WDR89: variants seen among roughly 807,000 people sequenced by gnomAD.
The protein encoded by WDR89 is WD repeat-containing protein 89.
WDR89 carries 17 observed loss-of-function variants against 29.1 expected under a neutral mutation model. The ratio of observed to expected loss-of-function variants is 0.58; its 90% CI spans 0.40 to 0.88. The LOEUF (loss-of-function observed/expected upper bound fraction) is 0.88. Among genes scored for constraint, WDR89 ranks in the 40% least tolerant of loss-of-function variants. The probability of loss-of-function intolerance (pLI) is 0.00; values close to 1 mark genes in which losing one functional copy is unlikely to be tolerated. For missense variants in WDR89, 396 were observed against 456.3 expected, an observed-to-expected ratio of 0.87 and a Z score of 1.20; for synonymous variants, 138 against 157.8, an observed-to-expected ratio of 0.87 and a Z score of 0.94.
chr14:63,631,837 T>C (rs10083359), intron 1 of WDR89, among the ~76,000 whole-genome samples: 11,712 of 152,124 alleles, frequency 0.077, 820 homozygotes, highest in African/African-American at 0.19. Context: ...CCAGGCCAGG[T>C]GCGGTGGTTC....
At chr14:63,621,535 T>C (rs1882695024) in intron 2 of WDR89, among the ~76,000 whole-genome samples, 1 of 152,014 alleles carries the variant, frequency 6.6e-6, no homozygotes, top group African/African-American at 2.4e-5. Flanking sequence ...GAGGTGTAGG[T>C]TGCAGTGAGA....
At chr14:63,629,013 T>C (rs922456113) in intron 1 of WDR89, among the ~76,000 whole-genome samples, 1 of 152,182 alleles carries the variant, frequency 6.6e-6, no homozygotes, top group Non-Finnish European at 1.5e-5. Flanking sequence ...TAGTCAAAGT[T>C]TGAAATACCA....
intron 1 of WDR89, among the ~76,000 whole-genome samples, chr14:63,627,329 A>C (rs1289752688): frequency 6.6e-6 from 1 of 152,168 alleles, no homozygotes; most frequent in Non-Finnish European, 1.5e-5. Flanking sequence ...TTTATTAAAG[A>C]ATTGTAATAA....
At chr14:63,634,863 T>C (rs867527205) in intron 1 of WDR89, among the ~76,000 whole-genome samples, 110 of 121,760 alleles carry the variant, frequency 9.0e-4, no homozygotes, top group African/African-American at 3.6e-3. Context: ...AAAGCGAAAC[T>C]ACATCTCAAA....
intron 1 of WDR89, among the ~76,000 whole-genome samples, chr14:63,634,266 A>T (rs1883589990): frequency 6.6e-6 from 1 of 152,208 alleles, no homozygotes; most frequent in Non-Finnish European, 1.5e-5. Context: ...TCACACTTGT[A>T]ATCCCAGCAC....
chr14:63,604,165 T>C (rs1895205810), intron 2 of WDR89, among the ~76,000 whole-genome samples: 1 of 152,202 alleles, frequency 6.6e-6, no homozygotes, highest in Non-Finnish European at 1.5e-5. Flanking sequence ...TGGCTCATTC[T>C]TGTAATCCCA....
chr14:63,640,637 C>T (rs923289174), intron 1 of WDR89, among the ~76,000 whole-genome samples: 3 of 151,348 alleles, frequency 2.0e-5, no homozygotes, highest in African/African-American at 7.3e-5. Context: ...TACAGGCGCC[C>T]GCCACATTTT....
Position 63,597,049 on chromosome 14 carries a change from AG to A in WDR89, c.*1729del, listed in dbSNP as rs1388311538. 3.9e-5 allele frequency: 6 copies of A among 152,218 alleles called. No homozygotes were observed. The highest frequency in any genetic ancestry group is 1.4e-4 in the African/African-American group (6 of 41,442). The allele number at this position is 152,218 out of a possible 1,614,324, so 9.4% of individuals were successfully genotyped here. A position where few individuals can be genotyped will look rare whatever the true frequency, so the allele number is the denominator to read the frequency against. On this transcript the variant is annotated 3_prime_UTR_variant, in exon 3 of 3. Transcript: ENST00000620954. The stretch of plus-strand genomic sequence containing the variant: ...CTGCCCAAGACTGGGTAATTTATAA[AG>A]GAAAGTGTTTAATTGACTGAAGAGT...
intron 1 of WDR89, among the ~76,000 whole-genome samples, chr14:63,640,543 C>G (rs1033231171): frequency 1.3e-5 from 2 of 151,100 alleles, no homozygotes; most frequent in Admixed American, 6.6e-5. Context: ...GGCTGGAGTA[C>G]AGTAGCACGA....
rs141403552 is a variant in WDR89, at chr14:63,622,619, T to A, written c.-32+2309A>T. Among the ~76,000 whole-genome samples, 130 of 151,134 alleles carry A rather than the reference T, an allele frequency of 8.6e-4. 1 individual carries two copies. In the Middle Eastern group the frequency reaches 0.01, roughly 12 times the overall value. On this transcript the variant is annotated intron_variant, in intron 2 of 2. Transcript: ENST00000620954. ...ATCAAACAAACAAAAAAACCAAAAGTAGCCAGGCATGGTGGCAGGTGCCTG... is the reference window on the plus strand; with the variant it reads ...ATCAAACAAACAAAAAAACCAAAAGAAGCCAGGCATGGTGGCAGGTGCCTG...
intron 1 of WDR89, among the ~76,000 whole-genome samples, chr14:63,629,755 C>T (rs564810038): frequency 9.9e-5 from 15 of 152,218 alleles, no homozygotes; most frequent in African/African-American, 3.4e-4. Flanking sequence ...CCAACTAAAA[C>T]GTCAAACTTT....
intron 2 of WDR89, among the ~76,000 whole-genome samples, chr14:63,603,833 G>T (rs75771848): frequency 0.033 from 5,041 of 152,240 alleles, 137 homozygotes; most frequent in Admixed American, 0.081. Flanking sequence ...CAGTAACGCT[G>T]GGGTAGTCAC....
At chr14:63,603,657 G>A (rs893667373) in intron 2 of WDR89, among the ~76,000 whole-genome samples, 3 of 152,164 alleles carry the variant, frequency 2.0e-5, no homozygotes, top group Non-Finnish European at 4.4e-5. Context: ...TGCTCAAAGT[G>A]TCTGGACTTG....
In WDR89 at chr14:63,615,712, G is replaced by A. The variant is rs893365105; in HGVS notation, c.-32+9216C>T. Among the ~76,000 whole-genome samples, 11 of 152,262 alleles carry A rather than the reference G, an allele frequency of 7.2e-5. No individual in the cohort carries two copies. The South Asian group carries it at 2.1e-3, about 29-fold the overall frequency. On this transcript the variant is annotated intron_variant, in intron 2 of 2. Transcript: ENST00000620954. ...CAGGCCGAGGCAGGCAGATCATGAG[G>A]ACAGGAGTTCAAGACCAGCCTGGCC...
chr14:63,610,787 C>T (rs917157370), intron 2 of WDR89, among the ~76,000 whole-genome samples: 2 of 150,392 alleles, frequency 1.3e-5, no homozygotes, highest in Admixed American at 1.3e-4. Flanking sequence ...ACTGCAACCT[C>T]CACCTCCTGG....
intron 2 of WDR89, among the ~76,000 whole-genome samples, chr14:63,605,205 TACACATACACAC>T (rs747131950): frequency 0.018 from 2,313 of 128,126 alleles, 37 homozygotes; most frequent in Non-Finnish European, 0.026. Flanking sequence ...CATATATACA[TACACATACACAC>T]ACACACACAC....
chr14:63,598,743 C>T lies in WDR89; in HGVS notation c.*36G>A. 1 of 1,524,298 alleles carries T rather than the reference C, an allele frequency of 6.6e-7. No homozygotes were observed. The allele number at this position is 1,524,298 out of a possible 1,614,324, so 94.4% of individuals were successfully genotyped here. The stretch of plus-strand genomic sequence containing the variant: ...AGTAAACAAGAAGGACTATTTGAAA[C>T]TATAAAACCTACCAAACAAAGTGCC... On this transcript the variant is annotated 3_prime_UTR_variant, in exon 3 of 3. Coordinates refer to ENST00000620954, the MANE Select transcript of WDR89 (RefSeq NM_080666.4).
intron 2 of WDR89, among the ~76,000 whole-genome samples, chr14:63,610,097 G>C (rs1881857429): frequency 6.6e-6 from 1 of 150,794 alleles, no homozygotes; most frequent in African/African-American, 2.4e-5. Context: ...GCTCACGCCT[G>C]TAATCCCAGC....
At position 63,598,702 on chromosome 14, in the gene WDR89, C is replaced by G; in HGVS notation, c.*77G>C. 5.3e-6 allele frequency: 7 copies of G among 1,310,026 alleles called. No individual in the cohort carries two copies. The highest frequency in any genetic ancestry group is 7.1e-6 in the Non-Finnish European group (7 of 986,324). The allele number at this position is 1,310,026 out of a possible 1,614,324, so 81.2% of individuals were successfully genotyped here. A position where few individuals can be genotyped will look rare whatever the true frequency, so the allele number is the denominator to read the frequency against. On this transcript the variant is annotated 3_prime_UTR_variant, in exon 3 of 3. Coordinates refer to ENST00000620954, the MANE Select transcript of WDR89 (RefSeq NM_080666.4). ...GCTTGTTTTTACATAAAGCTTTAAA[C>G]ATGTCTACCATGGGTAGTAAACAAG...
Sources: allele counts gnomAD v4.1 joint callset (sites outside exome capture counted in the v4.1 genomes callset), GRCh38; gene constraint gnomAD v4.1.1; transcripts MANE v1.5; gene names NCBI Gene and HGNC (gene_info 2026-07-23, HGNC 2026-07-21).